HDAC9: variants seen among roughly 807,000 people sequenced by gnomAD.
HDAC9 encodes MEF-2 interacting transcription repressor (MITR) protein.
HDAC9 carries 41 observed loss-of-function variants against 139.4 expected under a neutral mutation model. The observed-to-expected ratio is 0.29, with a 90% CI of 0.23 to 0.38. HDAC9 has a LOEUF of 0.38. Ranked by LOEUF, HDAC9 falls within the 10% of genes least tolerant of loss-of-function variation. The pLI, the probability that HDAC9 is intolerant of heterozygous loss-of-function variation, is 1.00. For synonymous variants in HDAC9, 517 were observed against 476.2 expected (o/e 1.09, Z -1.12); for missense variants, 1,147 against 1,297.0 (o/e 0.88, Z 1.78).
intron 17 of HDAC9, among the ~76,000 whole-genome samples, chr7:18,797,430 C>T (rs1792897335): frequency 6.6e-6 from 1 of 152,162 alleles, no homozygotes; most frequent in African/African-American, 2.4e-5. Context: ...CCACGAACTC[C>T]TCATCCAATT....
At chr7:18,539,793 C>G (rs892596721) in intron 2 of HDAC9, among the ~76,000 whole-genome samples, 1 of 151,884 alleles carries the variant, frequency 6.6e-6, no homozygotes, top group Non-Finnish European at 1.5e-5. Context: ...GGTGATGAGG[C>G]TCTTCTACAT....
intron 22 of HDAC9, among the ~76,000 whole-genome samples, chr7:18,897,074 A>T (rs542328647): frequency 6.6e-6 from 1 of 152,182 alleles, no homozygotes; most frequent in South Asian, 2.1e-4. Flanking sequence ...TTTCTAGTTT[A>T]AAACCACAAC....
At chr7:18,439,887 T>TA (rs571791440) in intron 1 of HDAC9, among the ~76,000 whole-genome samples, 116 of 152,294 alleles carry the variant, frequency 7.6e-4, no homozygotes, top group African/African-American at 2.5e-3. Flanking sequence ...TGGGTTGTGG[T>TA]AAAAAAATTC....
At chr7:18,985,753 A>G (rs1407171454) in intron 25 of HDAC9, among the ~76,000 whole-genome samples, 48 of 141,164 alleles carry the variant, frequency 3.4e-4, no homozygotes, top group Middle Eastern at 3.5e-3. Context: ...CTTTTTAGTG[A>G]TCACCATTCT....
intron 16 of HDAC9, among the ~76,000 whole-genome samples, chr7:18,767,879 A>G (rs1409085150): frequency 6.6e-6 from 1 of 152,198 alleles, no homozygotes; most frequent in Admixed American, 6.5e-5. Flanking sequence ...TCAAAGACTA[A>G]GGTATTTAAG....
At chr7:18,377,724 C>G (rs1250213739) in intron 1 of HDAC9, among the ~76,000 whole-genome samples, 2 of 152,078 alleles carry the variant, frequency 1.3e-5, no homozygotes, top group East Asian at 1.9e-4. Flanking sequence ...AGCAGTTGTT[C>G]TGATTTATCT....
chr7:18,993,680 G>A (rs1019748226), intron 25 of HDAC9, among the ~76,000 whole-genome samples: 1 of 152,028 alleles, frequency 6.6e-6, no homozygotes, highest in African/African-American at 2.4e-5. Context: ...GCACATGCCT[G>A]TAGTCTCAGC....
At chr7:18,914,580 A>G (rs970689910) in intron 22 of HDAC9, among the ~76,000 whole-genome samples, 2 of 152,100 alleles carry the variant, frequency 1.3e-5, no homozygotes, top group Admixed American at 6.6e-5. Context: ...TTTAACATTT[A>G]TAATGGTGTT....
At chr7:18,906,034 T>C (rs928963935) in intron 22 of HDAC9, among the ~76,000 whole-genome samples, 4 of 151,620 alleles carry the variant, frequency 2.6e-5, no homozygotes, top group Non-Finnish European at 4.4e-5. Context: ...TTTCTTTCTC[T>C]CTCTCTTTTC....
At chr7:18,491,328 C>T (rs999752690), upstream of HDAC9, among the ~76,000 whole-genome samples, 14 of 151,764 alleles carry the variant, frequency 9.2e-5, no homozygotes, top group African/African-American at 3.1e-4. Flanking sequence ...CAAGCAAAAA[C>T]ACTCAGGTAT....
At chr7:18,602,946 A>G (rs753869146) in intron 6 of HDAC9, among the ~76,000 whole-genome samples, 10 of 152,062 alleles carry the variant, frequency 6.6e-5, no homozygotes, top group Non-Finnish European at 1.0e-4. Context: ...TTCCAGTTCT[A>G]ACAGGTTTTG....
At chr7:18,459,051 G>C (rs1003710509) in intron 1 of HDAC9, 4 of 618,548 alleles carry the variant, frequency 6.5e-6, no homozygotes, top group Non-Finnish European at 1.2e-5. Flanking sequence ...ACGGGCTACT[G>C]ACCAAGAGGT....
chr7:18,823,626 AGAT>A (rs1185880682), intron 17 of HDAC9, among the ~76,000 whole-genome samples: 2 of 152,100 alleles, frequency 1.3e-5, no homozygotes, highest in Non-Finnish European at 2.9e-5. Context: ...GCCTATGAGG[AGAT>A]GATAAGGATC....
chr7:18,717,160 C>A (rs1205043406), intron 12 of HDAC9, among the ~76,000 whole-genome samples: 4 of 152,022 alleles, frequency 2.6e-5, no homozygotes, highest in Non-Finnish European at 5.9e-5. Context: ...AGAGGCTCAC[C>A]ACTGTTACAA....
chr7:18,111,520 C>T (rs1342172628), intron 1 of HDAC9, among the ~76,000 whole-genome samples: 1 of 151,996 alleles, frequency 6.6e-6, no homozygotes, highest in African/African-American at 2.4e-5. Flanking sequence ...CAGTGGATGC[C>T]CAAGTCTCTT....
intron 12 of HDAC9, among the ~76,000 whole-genome samples, chr7:18,677,723 T>C (rs1189040082): frequency 6.6e-6 from 1 of 151,974 alleles, no homozygotes; most frequent in Non-Finnish European, 1.5e-5. Context: ...TTTTTATTGT[T>C]GGTTATCAAA....
At chr7:18,608,949 A>T (rs1466658739) in intron 6 of HDAC9, among the ~76,000 whole-genome samples, 1 of 152,204 alleles carries the variant, frequency 6.6e-6, no homozygotes, top group African/African-American at 2.4e-5. Flanking sequence ...TCTTGAGTGA[A>T]AGCAAAGATC....
chr7:18,778,870 C>T (rs1428560968), intron 16 of HDAC9, among the ~76,000 whole-genome samples: 1 of 152,034 alleles, frequency 6.6e-6, no homozygotes, highest in Admixed American at 6.6e-5. Flanking sequence ...AGAAATTGCA[C>T]ATGCAAGGTC....
intron 1 of HDAC9, among the ~76,000 whole-genome samples, chr7:18,156,729 A>T (rs1047536769): frequency 6.6e-6 from 1 of 152,224 alleles, no homozygotes; most frequent in African/African-American, 2.4e-5. Context: ...ATGTGATGTT[A>T]TTATGGGTAT....
Sources: allele counts gnomAD v4.1 joint callset (sites outside exome capture counted in the v4.1 genomes callset), GRCh38; gene constraint gnomAD v4.1.1; transcripts MANE v1.5; gene names NCBI Gene and HGNC (gene_info 2026-07-23, HGNC 2026-07-21).